Variants in PPP4R3A observed in about 807,000 individuals in gnomAD.
The protein encoded by PPP4R3A is protein phosphatase 4 regulatory subunit 3A.
Under a neutral mutation model 91.7 loss-of-function variants are expected in PPP4R3A, and 15 were observed. The observed-to-expected ratio is 0.16, with a 90% confidence interval of 0.11 to 0.25. The LOEUF is 0.25. PPP4R3A is among the 10% of genes least tolerant of loss of function. The pLI is 1.00. For synonymous variants in PPP4R3A, 377 were observed against 348.7 expected (o/e 1.08, Z -0.91); for missense variants, 623 against 998.4 (o/e 0.62, Z 5.07).
chr14:91,508,330 T>C (rs576876739), intron 1 of PPP4R3A, among the ~76,000 whole-genome samples: 2 of 152,338 alleles, frequency 1.3e-5, no homozygotes, highest in East Asian at 3.9e-4. Context: ...AGTCTTCAAT[T>C]ACAGAAGGGC....
chr14:91,472,903 A>G, intron 9 of PPP4R3A, 130 bp downstream of exon 9: 1 of 751,712 alleles, frequency 1.3e-6, no homozygotes, highest in Non-Finnish European at 2.2e-6. Flanking sequence ...AAAGACTACT[A>G]CTTTTTAAAA....
rs773256738 is a variant in PPP4R3A, at chr14:91,462,191, T to A, written c.2022A>T (p.Thr674=). Residue 674 remains threonine, a synonymous_variant, in exon 13 of 15, where the codon ACA becomes ACT. Transcript: ENST00000554943. ...RNHRYRRDAR[T]LEDEEEMWFN... is the part of the protein sequence containing the mutation. ...ACCACATCTCTTCTTCATCTTCTAG[T>A]GTTCTGGCATCTCTTCGATATCTGT... The A allele has an allele frequency of 8.7e-6, 14 of 1,601,666 alleles. No homozygotes were observed.
In PPP4R3A at chr14:91,490,729, A is replaced by C; in HGVS notation, c.198+18T>G. On this transcript the variant is annotated intron_variant, in intron 2 of 14. Coordinates refer to ENST00000554943, the MANE Select transcript of PPP4R3A (RefSeq NM_001366432.2). ...AAAAGGAAAATATGCAAGATAAAACACATCTTCAAAATTTTACCTGTTGTT... is the reference window on the plus strand; with the variant it reads ...AAAAGGAAAATATGCAAGATAAAACCCATCTTCAAAATTTTACCTGTTGTT... The C allele has an allele frequency of 6.3e-7, 1 of 1,599,308 alleles. No homozygotes were observed. Among genetic ancestry groups the C allele is most frequent in the Non-Finnish European group, 8.5e-7 (1 of 1,170,146 alleles).
chr14:91,468,713 G>T (rs1391573645), intron 10 of PPP4R3A, among the ~76,000 whole-genome samples: 1 of 91,068 alleles, frequency 1.1e-5, no homozygotes, highest in African/African-American at 4.3e-5. Flanking sequence ...AAAAGACCAA[G>T]TATACTTTGT....
chr14:91,464,670 A>C (rs576400238), intron 11 of PPP4R3A, among the ~76,000 whole-genome samples: 1 of 152,206 alleles, frequency 6.6e-6, no homozygotes, highest in Non-Finnish European at 1.5e-5. Context: ...CTAGAGAATA[A>C]AGAGTATTAT....
chr14:91,480,412 C>A (rs1474516422), intron 4 of PPP4R3A, among the ~76,000 whole-genome samples: 1 of 152,184 alleles, frequency 6.6e-6, no homozygotes, highest in Non-Finnish European at 1.5e-5. Context: ...GTTTAACTCA[C>A]CCACAGGCAC....
intron 4 of PPP4R3A, among the ~76,000 whole-genome samples, chr14:91,480,927 T>C (rs1889517828): frequency 6.6e-6 from 1 of 151,698 alleles, no homozygotes. Context: ...CTTAGCTAAT[T>C]GGAAGGCTGA....
At chr14:91,505,239 T>C (rs7143962) in intron 1 of PPP4R3A, among the ~76,000 whole-genome samples, 74,619 of 151,840 alleles carry the variant, frequency 0.49, 18,670 homozygotes, top group Admixed American at 0.53. Context: ...GATCACCTGA[T>C]GTCAGCAGTT....
At chr14:91,508,604 G>T (rs1891558168) in intron 1 of PPP4R3A, among the ~76,000 whole-genome samples, 1 of 152,096 alleles carries the variant, frequency 6.6e-6, no homozygotes, top group African/African-American at 2.4e-5. Flanking sequence ...CAAAAACAGT[G>T]GCAATCCCTA....
intron 1 of PPP4R3A, among the ~76,000 whole-genome samples, chr14:91,494,454 T>C (rs1264628539): frequency 6.6e-6 from 1 of 152,208 alleles, no homozygotes; most frequent in Non-Finnish European, 1.5e-5. Flanking sequence ...TACAACTCAA[T>C]ATTAAAATGT....
Position 91,481,567 on chromosome 14 carries a change from C to G in PPP4R3A, c.915+9G>C, listed in dbSNP as rs773404958. On this transcript the variant is annotated intron_variant, in intron 4 of 14. Transcript: ENST00000554943. ...CTTGAAATATGAAAAAAGGAATGATCTAACTCACCTGCAACATGCCAACAA... is the reference window on the plus strand; with the variant it reads ...CTTGAAATATGAAAAAAGGAATGATGTAACTCACCTGCAACATGCCAACAA... 32 of 1,532,362 alleles carry G rather than the reference C, an allele frequency of 2.1e-5. No homozygotes were observed. Among genetic ancestry groups the G allele is most frequent in the Non-Finnish European group, 2.8e-5 (32 of 1,145,188 alleles). 94.9% of individuals were successfully genotyped at this position (1,532,362 alleles called of 1,614,324 possible).
intron 4 of PPP4R3A, among the ~76,000 whole-genome samples, chr14:91,479,501 G>C (rs1889420506): frequency 6.6e-6 from 1 of 151,246 alleles, no homozygotes; most frequent in African/African-American, 2.4e-5. Flanking sequence ...CCACATGGCT[G>C]GGATTATAGG....
At chr14:91,498,788 C>T (rs1890747464) in intron 1 of PPP4R3A, among the ~76,000 whole-genome samples, 1 of 151,948 alleles carries the variant, frequency 6.6e-6, no homozygotes, top group African/African-American at 2.4e-5. Flanking sequence ...GTGGTGGGCG[C>T]CTGTAGTCCC....
At chr14:91,499,804 G>A (rs1293777783) in intron 1 of PPP4R3A, among the ~76,000 whole-genome samples, 1 of 137,846 alleles carries the variant, frequency 7.3e-6, no homozygotes, top group Non-Finnish European at 1.6e-5. Context: ...CTGGGTGACA[G>A]AGCGAGACTC....
intron 3 of PPP4R3A, among the ~76,000 whole-genome samples, chr14:91,482,667 ATATCATAATG>A (rs1889642873): frequency 6.6e-6 from 1 of 152,202 alleles, no homozygotes; most frequent in Admixed American, 6.5e-5. Flanking sequence ...TAAACACCAA[ATATCATAATG>A]TTATGATCAC....
chr14:91,510,025 G>A lies in PPP4R3A; in HGVS notation c.-378C>T, dbSNP rs916573272. 5 of 892,936 alleles carry A rather than the reference G, an allele frequency of 5.6e-6. No individual in the cohort carries two copies. The highest frequency in any genetic ancestry group is 6.1e-5 in the Admixed American group (1 of 16,418). The allele number at this position is 892,936 out of a possible 1,614,324, so 55.3% of individuals were successfully genotyped here. ...CCGCGAAGCAGCTTCCCGCGCCGCC[G>A]CCGCCTCCTCAGGCCGCCGCCGCCG... On this transcript the variant is annotated 5_prime_UTR_variant, in exon 1 of 15. Transcript: ENST00000554943.
At chr14:91,471,854 A>G (rs1888857429) in intron 9 of PPP4R3A, among the ~76,000 whole-genome samples, 1 of 152,154 alleles carries the variant, frequency 6.6e-6, no homozygotes, top group Non-Finnish European at 1.5e-5. Context: ...ACTTGAGGCC[A>G]GGAGTTTGAG....
At chr14:91,472,164 CTAAAT>C (rs771446711) in intron 9 of PPP4R3A, among the ~76,000 whole-genome samples, 10 of 151,678 alleles carry the variant, frequency 6.6e-5, no homozygotes, top group Non-Finnish European at 1.3e-4. Context: ...AAACTACCTC[CTAAAT>C]TAAACACACG....
chr14:91,508,707 T>G (rs1363916769), intron 1 of PPP4R3A, among the ~76,000 whole-genome samples: 1 of 152,198 alleles, frequency 6.6e-6, no homozygotes, highest in Non-Finnish European at 1.5e-5. Context: ...TCTTTGAACC[T>G]TGAGGGCTGT....
Sources: allele counts gnomAD v4.1 joint callset (sites outside exome capture counted in the v4.1 genomes callset), GRCh38; gene constraint gnomAD v4.1.1; transcripts MANE v1.5; gene names NCBI Gene and HGNC (gene_info 2026-07-23, HGNC 2026-07-21).